The following RTTN variants were observed in gnomAD, a reference collection of about 807,000 sequenced individuals.
The protein encoded by RTTN is rotatin.
Under a neutral mutation model 269.2 loss-of-function variants are expected in RTTN, and 182 were observed. The observed-to-expected ratio is 0.68, with a 90% CI of 0.60 to 0.76. RTTN has a LOEUF of 0.76. Ranked by LOEUF, RTTN falls within the 30% of genes least tolerant of loss-of-function variation. RTTN has a pLI of 0.00. For synonymous variants in RTTN, 1,006 were observed against 963.5 expected (o/e 1.04, Z -0.82); for missense variants, 2,545 against 2,608.6 (o/e 0.98, Z 0.53).
At chr18:70,157,930 T>TC (rs2060726281) in intron 14 of RTTN, among the ~76,000 whole-genome samples, 1 of 150,976 alleles carries the variant, frequency 6.6e-6, no homozygotes, top group Non-Finnish European at 1.5e-5. Flanking sequence ...AAAAAAAACT[T>TC]CAAGAAATAT....
intron 19 of RTTN, among the ~76,000 whole-genome samples, chr18:70,141,743 C>G (rs569205875): frequency 6.6e-6 from 1 of 152,220 alleles, no homozygotes; most frequent in Non-Finnish European, 1.5e-5. Context: ...ACATTGTGCA[C>G]ATGTACCCTA....
Position 70,145,661 on chromosome 18 carries a change from T to C in RTTN, c.2432A>G (p.Lys811Arg), listed in dbSNP as rs755111176. ...LSRVTDLFIG[K>R]KPIELRLDDR... ...ATCCAGTCTGAGTTCAATAGGTTTC[T>C]TCCCAATGAATAAATCAGTAACTCT... Residue 811 changes from lysine (K) to arginine (R), a missense_variant, in exon 18 of 49, where the codon AAG becomes AGG. Physicochemically the swap from Lys to Arg is conservative, Grantham distance 26. Coordinates refer to ENST00000640769, the MANE Select transcript of RTTN (RefSeq NM_173630.4). 1 of 1,613,046 alleles carries C rather than the reference T, an allele frequency of 6.2e-7. No homozygotes were observed. The highest frequency in any genetic ancestry group is 1.1e-5 in the South Asian group (1 of 90,840).
rs950188333 is a variant in RTTN, at chr18:70,025,189, A to C, written c.5824-341T>G. Among the ~76,000 whole-genome samples, 8 of 152,332 alleles carry C rather than the reference A, an allele frequency of 5.3e-5. No homozygotes were observed. In the South Asian group the frequency reaches 1.0e-3, roughly 20 times the overall value. ...GCTATGAACTGGCCAAGAAGTGAGA[A>C]TTTCTGGTTAAGTAAACATTCTGAT... On this transcript the variant is annotated intron_variant, in intron 43 of 48. Coordinates refer to ENST00000640769, the MANE Select transcript of RTTN (RefSeq NM_173630.4).
intron 14 of RTTN, among the ~76,000 whole-genome samples, chr18:70,152,488 C>CTA (rs1022462595): frequency 6.6e-6 from 1 of 152,102 alleles, no homozygotes; most frequent in Non-Finnish European, 1.5e-5. Context: ...ATGTTAGCTG[C>CTA]TATCATTATC....
intron 43 of RTTN, among the ~76,000 whole-genome samples, chr18:70,025,129 T>C (rs1424409879): frequency 6.6e-6 from 1 of 152,174 alleles, no homozygotes; most frequent in Non-Finnish European, 1.5e-5. Flanking sequence ...AACAGCAAAG[T>C]GATATCTCAC....
intron 22 of RTTN, 22 bp downstream of exon 22, chr18:70,135,162 C>A (rs2060094245): frequency 7.5e-7 from 1 of 1,339,098 alleles, no homozygotes; most frequent in Non-Finnish European, 1.0e-6. Flanking sequence ...GAGTAAAAAA[C>A]TTATAAATTC....
intron 40 of RTTN, among the ~76,000 whole-genome samples, chr18:70,035,093 T>G (rs998125627): frequency 6.6e-6 from 1 of 152,210 alleles, no homozygotes; most frequent in Admixed American, 6.5e-5. Context: ...AAACATTCCA[T>G]GAACATGGCT....
At chr18:70,104,545 T>C (rs1337646859) in intron 28 of RTTN, among the ~76,000 whole-genome samples, 1 of 152,246 alleles carries the variant, frequency 6.6e-6, no homozygotes, top group Non-Finnish European at 1.5e-5. Context: ...GACAAGGAGC[T>C]GTGTTCCTCT....
chr18:70,164,154 T>C (rs76362809), intron 14 of RTTN, among the ~76,000 whole-genome samples: 2,490 of 152,216 alleles, frequency 0.016, 65 homozygotes, highest in African/African-American at 0.055. Flanking sequence ...AATACGAATG[T>C]ACTTATGCCA....
chr18:70,070,716 T>A (rs1343020623), intron 34 of RTTN, among the ~76,000 whole-genome samples: 2 of 152,176 alleles, frequency 1.3e-5, no homozygotes, highest in Non-Finnish European at 2.9e-5. Context: ...TCATCAAACT[T>A]TAGCTTTCCG....
At chr18:70,187,423 A>G (rs2061572295) in intron 10 of RTTN, among the ~76,000 whole-genome samples, 1 of 152,214 alleles carries the variant, frequency 6.6e-6, no homozygotes, top group African/African-American at 2.4e-5. Context: ...ATGACTACCA[A>G]TAAGGAAAAC....
rs142434780 is a variant in RTTN at position 70,092,453 on chromosome 18, G to C, written c.4032+223C>G. Among the ~76,000 whole-genome samples, 500 of 152,250 alleles carry C rather than the reference G, an allele frequency of 3.3e-3. 3 individuals carry two copies. Among genetic ancestry groups the C allele is most frequent in the African/African-American group, 0.011 (475 of 41,544 alleles). On this transcript the variant is annotated intron_variant, in intron 29 of 48. Coordinates refer to ENST00000640769, the MANE Select transcript of RTTN (RefSeq NM_173630.4). ...TTTCCCATAATGTAGACAAAATGTA[G>C]TTTTCCAGTGTATGCACATTTGAAT...
At chr18:70,053,444 A>T (rs115710227) in intron 38 of RTTN, 82 of 152,330 alleles carry the variant, frequency 5.4e-4, no homozygotes, top group African/African-American at 1.8e-3. Flanking sequence ...TAACATCGAG[A>T]TCATTTTAAC....
chr18:70,090,885 A>T (rs998990850), intron 30 of RTTN, among the ~76,000 whole-genome samples: 1 of 152,212 alleles, frequency 6.6e-6, no homozygotes, highest in Non-Finnish European at 1.5e-5. Flanking sequence ...CACACCATCA[A>T]GCCAAAGAAC....
chr18:70,033,734 G>A (rs1289040681), intron 40 of RTTN, among the ~76,000 whole-genome samples: 2 of 152,004 alleles, frequency 1.3e-5, no homozygotes, highest in South Asian at 2.1e-4. Context: ...AGAGCTAAAG[G>A]AGACTGAGAC....
Position 70,168,986 on chromosome 18 carries a change from T to C in RTTN, c.1558A>G (p.Asn520Asp). Residue 520 changes from asparagine to aspartate, a missense_variant, in exon 12 of 49, where the codon AAT becomes GAT. Asn to Asp is a conservative substitution (Grantham distance 23). Transcript: ENST00000640769. Reference protein sequence around the residue: ...LDMPISLEYPNIHEAVVAYLE... With the variant: ...LDMPISLEYPDIHEAVVAYLE... ...TAGGCCACAACAGCTTCATGAATAT[T>C]TGGATATTCCAAAGAAATAGGCATG... 1 of 1,613,128 alleles carries C rather than the reference T, an allele frequency of 6.2e-7. No homozygotes were observed. The highest frequency in any genetic ancestry group is 8.5e-7 in the Non-Finnish European group (1 of 1,179,690).
intron 48 of RTTN, 140 bp downstream of exon 48, chr18:70,005,058 G>T (rs2145425027): frequency 1.9e-6 from 1 of 516,694 alleles, no homozygotes; most frequent in Non-Finnish European, 3.4e-6. Flanking sequence ...TTTAAAAAAT[G>T]ATATAATTAA....
intron 46 of RTTN, among the ~76,000 whole-genome samples, chr18:70,010,554 A>G (rs948927220): frequency 3.3e-5 from 5 of 152,224 alleles, no homozygotes; most frequent in Non-Finnish European, 7.3e-5. Context: ...GCAAAGACAC[A>G]ATATACCAGA....
intron 10 of RTTN, among the ~76,000 whole-genome samples, chr18:70,184,625 G>T (rs1023072403): frequency 6.7e-6 from 1 of 148,496 alleles, no homozygotes; most frequent in Non-Finnish European, 1.5e-5. Context: ...TGGATCAGAA[G>T]ATTCAATACT....
Sources: allele counts gnomAD v4.1 joint callset (sites outside exome capture counted in the v4.1 genomes callset), GRCh38; gene constraint gnomAD v4.1.1; transcripts MANE v1.5; gene names NCBI Gene and HGNC (gene_info 2026-07-23, HGNC 2026-07-21).